Variants in MARCHF1 observed in about 807,000 individuals in gnomAD.
MARCHF1 encodes membrane associated ring-CH-type finger 1, also known as E3 ubiquitin-protein ligase MARCHF1.
In MARCHF1, 40 loss-of-function variants were observed where a neutral mutation model predicts 54.2. The observed-to-expected ratio is 0.74, with a 90% CI of 0.57 to 0.96. The LOEUF is 0.96. Ranked by LOEUF, MARCHF1 falls within the 40% of genes least tolerant of loss-of-function variation. The probability of loss-of-function intolerance (pLI) is 0.00; values close to 1 mark genes in which losing one functional copy is unlikely to be tolerated. For missense variants in MARCHF1, 586 were observed against 656.5 expected, an observed-to-expected ratio of 0.89 and a Z score of 1.17; for synonymous variants, 236 against 236.3, an observed-to-expected ratio of 1.00 and a Z score of 0.01.
At chr4:163,901,656 G>C (rs1203755153) in intron 3 of MARCHF1, among the ~76,000 whole-genome samples, 1 of 152,174 alleles carries the variant, frequency 6.6e-6, no homozygotes, top group African/African-American at 2.4e-5. Context: ...GGTTGTGAAG[G>C]CCTAGGCAGT....
At chr4:163,644,999 C>A (rs1256853706) in intron 5 of MARCHF1, among the ~76,000 whole-genome samples, 1 of 152,150 alleles carries the variant, frequency 6.6e-6, no homozygotes, top group Non-Finnish European at 1.5e-5. Context: ...TGACCTGGTT[C>A]CAATCCCTCT....
At chr4:163,540,509 C>T (rs569739445) in intron 9 of MARCHF1, among the ~76,000 whole-genome samples, 5 of 152,178 alleles carry the variant, frequency 3.3e-5, no homozygotes, top group Admixed American at 3.3e-4. Flanking sequence ...TATTTATAAC[C>T]TTTTTCTTAA....
rs34641560 is a variant in MARCHF1 at position 164,199,131 on chromosome 4, ACT to A, written c.-322-87471_-322-87470del. 7.5e-3 allele frequency among the ~76,000 whole-genome samples: 1,140 copies of A among 152,340 alleles called. 8 individuals carry two copies. The highest frequency in any genetic ancestry group is 0.011 in the Non-Finnish European group (768 of 68,032). On this transcript the variant is annotated intron_variant, in intron 1 of 9. Transcript: ENST00000514618. Reference sequence around the variant, plus strand: ...CCTATAACCCACACATAGCAAGAACACTGAGACAATTGAATGAGCTTACATAA... The same window carrying A: ...CCTATAACCCACACATAGCAAGAACAGAGACAATTGAATGAGCTTACATAA...
intron 9 of MARCHF1, among the ~76,000 whole-genome samples, chr4:163,532,804 GAT>G (rs1228502106): frequency 6.6e-6 from 1 of 151,848 alleles, no homozygotes; most frequent in African/African-American, 2.4e-5. Flanking sequence ...ATTAAAACAA[GAT>G]ATCATTATAT....
chr4:163,762,635 CAAT>C (rs1299134380), intron 4 of MARCHF1, among the ~76,000 whole-genome samples: 1 of 152,002 alleles, frequency 6.6e-6, no homozygotes, highest in Non-Finnish European at 1.5e-5. Flanking sequence ...CCGTTGTAAA[CAAT>C]GTTATAATGA....
At chr4:163,636,901 C>G (rs917286551) in intron 5 of MARCHF1, among the ~76,000 whole-genome samples, 4 of 152,160 alleles carry the variant, frequency 2.6e-5, no homozygotes, top group African/African-American at 9.7e-5. Context: ...AACAGAGATA[C>G]AGATCAATGG....
At chr4:164,287,393 TAC>T (rs1734177029) in intron 1 of MARCHF1, among the ~76,000 whole-genome samples, 1 of 152,172 alleles carries the variant, frequency 6.6e-6, no homozygotes, top group Non-Finnish European at 1.5e-5. Context: ...TTAATGGCAA[TAC>T]AGTTTAAAAC....
chr4:164,072,748 A>G (rs529445410), intron 2 of MARCHF1, among the ~76,000 whole-genome samples: 6 of 151,102 alleles, frequency 4.0e-5, no homozygotes, highest in Non-Finnish European at 8.8e-5. Flanking sequence ...TCTATATTCT[A>G]GATTTCATAG....
At chr4:163,554,781 A>C (rs1739229471) in intron 8 of MARCHF1, among the ~76,000 whole-genome samples, 1 of 152,220 alleles carries the variant, frequency 6.6e-6, no homozygotes, top group South Asian at 2.1e-4. Context: ...AAAGCTACCA[A>C]ATTATTTTTA....
At chr4:164,369,991 C>T (rs1187757343) in intron 1 of MARCHF1, among the ~76,000 whole-genome samples, 2 of 152,074 alleles carry the variant, frequency 1.3e-5, no homozygotes, top group African/African-American at 4.8e-5. Context: ...CCATAATAAT[C>T]CTGGGAATAA....
chr4:163,710,919 G>A (rs564683071), intron 4 of MARCHF1, among the ~76,000 whole-genome samples: 2 of 152,138 alleles, frequency 1.3e-5, no homozygotes, highest in Admixed American at 1.3e-4. Context: ...AGCTTTTAGT[G>A]TAACACTTGT....
At chr4:164,368,809 T>A (rs1730951369) in intron 1 of MARCHF1, among the ~76,000 whole-genome samples, 1 of 152,088 alleles carries the variant, frequency 6.6e-6, no homozygotes, top group African/African-American at 2.4e-5. Flanking sequence ...CTATTTAAAT[T>A]GTGAAATATT....
intron 1 of MARCHF1, among the ~76,000 whole-genome samples, chr4:164,372,216 A>G (rs1561023499): frequency 6.6e-6 from 1 of 152,226 alleles, no homozygotes; most frequent in Non-Finnish European, 1.5e-5. Flanking sequence ...TAGAATCTTT[A>G]AGTCAATGCA....
At chr4:163,620,606 C>CACACACACAGAGAG (rs1282901525) in intron 5 of MARCHF1, among the ~76,000 whole-genome samples, 3 of 56,944 alleles carry the variant, frequency 5.3e-5, no homozygotes, top group African/African-American at 1.4e-4. Context: ...CACACACACA[C>CACACACACAGAGAG]AGAGAGAGAG....
At chr4:163,820,693 G>A (rs890722235) in intron 4 of MARCHF1, among the ~76,000 whole-genome samples, 3 of 151,872 alleles carry the variant, frequency 2.0e-5, no homozygotes, top group Non-Finnish European at 2.9e-5. Context: ...GGAAAGCTAC[G>A]GTGGTTTTAG....
chr4:164,035,609 G>C (rs542908132), intron 2 of MARCHF1, among the ~76,000 whole-genome samples: 1 of 133,576 alleles, frequency 7.5e-6, no homozygotes, highest in African/African-American at 2.7e-5. Flanking sequence ...TTTCATGCAA[G>C]TAAACTGCCA....
At chr4:163,681,863 T>C (rs970050977) in intron 5 of MARCHF1, among the ~76,000 whole-genome samples, 14 of 152,134 alleles carry the variant, frequency 9.2e-5, no homozygotes, top group Non-Finnish European at 1.9e-4. Context: ...CCAGAAAATG[T>C]GGAAGCAACT....
chr4:163,713,352 T>G (rs10022010), intron 4 of MARCHF1, among the ~76,000 whole-genome samples: 8,772 of 152,162 alleles, frequency 0.058, 459 homozygotes, highest in African/African-American at 0.14. Context: ...AAATTTGCCA[T>G]AATGCCTGGG....
At chr4:163,866,028 A>G (rs1247115068) in intron 3 of MARCHF1, among the ~76,000 whole-genome samples, 1 of 151,656 alleles carries the variant, frequency 6.6e-6, no homozygotes, top group Non-Finnish European at 1.5e-5. Flanking sequence ...ATCTTTTGAC[A>G]CTGTAACTCT....
Sources: gnomAD v4.1 joint callset for allele counts (sites outside exome capture counted in the v4.1 genomes callset) on GRCh38, gnomAD v4.1.1 for gene constraint, MANE v1.5 for transcripts, NCBI Gene and HGNC (gene_info 2026-07-23, HGNC 2026-07-21) for gene names.